SLC30A2: variants seen among roughly 807,000 people sequenced by gnomAD.
SLC30A2 encodes proton-coupled zinc antiporter SLC30A2.
A neutral mutation model predicts 39.6 loss-of-function variants in SLC30A2; 19 were observed. That is an observed-to-expected ratio of 0.48 (90% CI 0.34 to 0.70). The LOEUF is 0.70. Among genes scored for constraint, SLC30A2 ranks in the 30% least tolerant of loss-of-function variants. The probability of loss-of-function intolerance (pLI) is 0.01; values close to 1 mark genes in which losing one functional copy is unlikely to be tolerated. For synonymous variants in SLC30A2, 195 were observed against 194.8 expected, an observed-to-expected ratio of 1.00 and a Z score of -0.01; for missense variants, 387 against 479.4, an observed-to-expected ratio of 0.81 and a Z score of 1.80.
intron 3 of SLC30A2, 100 bp downstream of exon 3, chr1:26,044,198 G>T: frequency 3.2e-6 from 4 of 1,265,674 alleles, no homozygotes; most frequent in South Asian, 1.3e-5. Context: ...GCCTCACTCA[G>T]GGGAGGAAGG....
intron 6 of SLC30A2, among the ~76,000 whole-genome samples, chr1:26,040,969 C>T (rs1415434100): frequency 2.0e-5 from 3 of 150,418 alleles, no homozygotes; most frequent in African/African-American, 4.9e-5. Flanking sequence ...TGGTGGCATG[C>T]GCCTGTGGTC....
intron 2 of SLC30A2, 97 bp downstream of exon 2, chr1:26,044,898 AGT>A: frequency 1.1e-6 from 1 of 935,482 alleles, no homozygotes; most frequent in East Asian, 2.4e-5. Context: ...GGCTTACTGT[AGT>A]GTGTGTTCAG....
At chr1:26,043,679 T>C (rs1000312421) in intron 3 of SLC30A2, 128 bp from the exon 4 acceptor site, 2 of 882,982 alleles carry the variant, frequency 2.3e-6, no homozygotes, top group African/African-American at 3.4e-5. Context: ...CACTGGGCTC[T>C]GCTGAAGGTA....
At chr1:26,043,695 G>A (rs1035019366) in intron 3 of SLC30A2, 144 bp from the exon 4 acceptor site, 22 of 730,248 alleles carry the variant, frequency 3.0e-5, no homozygotes, top group Admixed American at 1.2e-4. Context: ...AGGTATGGCC[G>A]GTATGGCTGC....
At chr1:26,045,273 G>T in intron 1 of SLC30A2, 56 bp from the exon 2 acceptor site, 2 of 1,405,410 alleles carry the variant, frequency 1.4e-6, no homozygotes, top group Non-Finnish European at 2.0e-6. Context: ...AAGGAGGGCC[G>T]ACTCTAGTCC....
chr1:26,044,406 C>G lies in SLC30A2; in HGVS notation c.310G>C (p.Ala104Pro), dbSNP rs771524095. 19 of 1,613,808 alleles carry G rather than the reference C, an allele frequency of 1.2e-5. No individual in the cohort carries two copies. The highest frequency in any genetic ancestry group is 1.6e-5 in the Non-Finnish European group (19 of 1,179,956). Residue 104 changes from alanine to proline, a missense_variant, in exon 3 of 8, where the codon GCA (alanine) becomes CCA (proline). Physicochemically the swap from Ala to Pro is conservative, Grantham distance 27 (BLOSUM62 -1). Transcript: ENST00000374276. ...GCAAAGTCAGTGAGCAGGTGTGCTG[C>G]GTCAGTCATGACAGCCAAGCTGTGT... ...LAHSLAVMTDAAHLLTDFASM... is the reference protein window; with the variant it reads ...LAHSLAVMTDPAHLLTDFASM...
At position 26,038,309 on chromosome 1, in the gene SLC30A2, G is replaced by C. The variant is rs777862651; in HGVS notation, c.*851C>G. ...TTCCCTCCTAGCTGGCCTCTGGACC[G>C]AGTGCAGCCCCACTTGTCTCCCTTT... On this transcript the variant is annotated 3_prime_UTR_variant, in exon 8 of 8. Coordinates refer to ENST00000374276, the MANE Select transcript of SLC30A2 (RefSeq NM_001004434.3). The C allele has an allele frequency of 6.6e-6, 1 of 152,308 alleles. No homozygotes were observed. Among genetic ancestry groups the C allele is most frequent in the Admixed American group, 6.5e-5 (1 of 15,288 alleles). The allele number at this position is 152,308 out of a possible 1,614,324, so 9.4% of individuals were successfully genotyped here.
intron 1 of SLC30A2, among the ~76,000 whole-genome samples, chr1:26,045,624 G>A (rs1016491677): frequency 2.6e-5 from 4 of 152,182 alleles, no homozygotes; most frequent in Non-Finnish European, 4.4e-5. Flanking sequence ...CAATCCCCCG[G>A]CCCCAGGCCC....
At chr1:26,045,728 C>T (rs947878792) in intron 1 of SLC30A2, 119 bp downstream of exon 1, 3 of 1,510,428 alleles carry the variant, frequency 2.0e-6, no homozygotes, top group Non-Finnish European at 2.7e-6. Flanking sequence ...CCTCACCCCA[C>T]CCCTCCTGCA....
Position 26,045,171 on chromosome 1 carries a change from G to T in SLC30A2, c.97C>A (p.Leu33Met), listed in dbSNP as rs546106665. Reference protein sequence around the residue: ...LWQEGAGWIPLPRPGLDLQAI... With the variant: ...LWQEGAGWIPMPRPGLDLQAI... ...TGCAAGTCCAGGCCAGGTCGGGGCAGAGGAATCCAGCCAGCCCCTTCCTGC... is the reference window on the plus strand; with the variant it reads ...TGCAAGTCCAGGCCAGGTCGGGGCATAGGAATCCAGCCAGCCCCTTCCTGC... The change falls in exon 2 of 8, where the codon CTG becomes ATG. Residue 33 changes from leucine to methionine, a missense_variant. Transcript: ENST00000374276. The T allele has an allele frequency of 2.5e-6, 4 of 1,612,960 alleles. No homozygotes were observed. In the African/African-American group the frequency reaches 5.3e-5, roughly 21 times the overall value.
intron 1 of SLC30A2, chr1:26,045,544 G>T: frequency 1.7e-6 from 1 of 599,984 alleles, no homozygotes. Context: ...TTGGGACACA[G>T]GGCCTCCCCG....
rs899454024 is a variant in SLC30A2, at chr1:26,046,019, C to T, written c.-123G>A. The T allele has an allele frequency of 4.3e-6, 6 of 1,407,772 alleles. No homozygotes were observed. The highest frequency in any genetic ancestry group is 1.5e-5 in the African/African-American group (1 of 66,224). The allele number at this position is 1,407,772 out of a possible 1,614,324, so 87.2% of individuals were successfully genotyped here. ...CCGAGGGCCCCGCGAGGTGCGCTCACTCCGGCCCGGCTCCTGCGGCCCCTG... is the reference window on the plus strand; with the variant it reads ...CCGAGGGCCCCGCGAGGTGCGCTCATTCCGGCCCGGCTCCTGCGGCCCCTG... On this transcript the variant is annotated 5_prime_UTR_variant, in exon 1 of 8. The change creates a new upstream start codon in the 5' untranslated region. Transcript: ENST00000374276. This position sits in a 1 kb window ranked among gnomAD's most constrained non-coding sequence, Gnocchi z 4.4.
chr1:26,043,324 G>C (rs151315709), intron 4 of SLC30A2, 74 bp downstream of exon 4: 1 of 1,478,758 alleles, frequency 6.8e-7, no homozygotes, highest in African/African-American at 1.4e-5. Context: ...GTCTCTTTCC[G>C]CAAAGCAGAC....
chr1:26,044,224 A>G (rs2050433277), intron 3 of SLC30A2, 74 bp downstream of exon 3: 1 of 1,510,078 alleles, frequency 6.6e-7, no homozygotes, highest in Admixed American at 1.7e-5. Context: ...TCCACCCATT[A>G]CAGCCACCTA....
chr1:26,039,094 TG>T lies in SLC30A2; in HGVS notation c.*65del. 2 of 1,580,312 alleles carry T rather than the reference TG, an allele frequency of 1.3e-6. No individual in the cohort carries two copies. The highest frequency in any genetic ancestry group is 2.3e-5 in the South Asian group (2 of 88,148). ...GGGTAGGCAAAGTCCTGGCTGGGCC[TG>T]GGGGACACTCAGTCCAGCCACCTGC... On this transcript the variant is annotated 3_prime_UTR_variant, in exon 8 of 8. Coordinates refer to ENST00000374276, the MANE Select transcript of SLC30A2 (RefSeq NM_001004434.3). The surrounding 1 kb of genome is among the most constrained non-coding windows in gnomAD (Gnocchi z 4.3).
At chr1:26,044,466 T>A (rs777639796) in intron 2 of SLC30A2, 22 bp from the exon 3 acceptor site, 1 of 1,610,078 alleles carries the variant, frequency 6.2e-7, no homozygotes, top group Non-Finnish European at 8.5e-7. Context: ...AGGGTCCTTA[T>A]CAGCTCCCCC....
Position 26,045,242 on chromosome 1 carries a change from C to T in SLC30A2, c.51-25G>A, listed in dbSNP as rs560811845. ...CCTGGCCAGAGGGGAAGAGAGGGAA[C>T]GCTCAGCTCTGAGATGAGGTAAGGA... On this transcript the variant is annotated intron_variant, in intron 1 of 7. Transcript: ENST00000374276. 2.4e-4 allele frequency: 379 copies of T among 1,586,180 alleles called. 5 individuals are homozygous for T. In the South Asian group the frequency reaches 4.0e-3, roughly 17 times the overall value.
Position 26,045,010 on chromosome 1 carries a change from G to C in SLC30A2, c.258C>G (p.Ile86Met), listed in dbSNP as rs766519714. The C allele has an allele frequency of 4.3e-6, 7 of 1,614,030 alleles. No homozygotes were observed. Among genetic ancestry groups the C allele is most frequent in the Non-Finnish European group, 5.9e-6 (7 of 1,180,016 alleles). The change falls in exon 2 of 8, where the codon ATC becomes ATG. Residue 86 changes from isoleucine to methionine, a missense_variant. By Grantham distance (10) the Ile-to-Met change is conservative (BLOSUM62 1). Coordinates refer to ENST00000374276, the MANE Select transcript of SLC30A2 (RefSeq NM_001004434.3). ...AAAAGTGCTTACCAACGACTTCTCC[G>C]ATCATGAACAACAGGCAGATGGCAG... is the stretch of plus-strand genomic sequence containing the variant. The part of the protein sequence containing the change: ...VASAICLLFM[I>M]GEVVGGYLAH...
In SLC30A2 at chr1:26,044,288, C is replaced by T. The variant is rs368275127; in HGVS notation, c.418+10G>A. 1.7e-4 allele frequency: 269 copies of T among 1,613,646 alleles called. No homozygotes were observed. The highest frequency in any genetic ancestry group is 2.2e-4 in the Non-Finnish European group (256 of 1,179,742). On this transcript the variant is annotated intron_variant, in intron 3 of 7. Transcript: ENST00000374276. ...CTCAACCCCATCTCCAGCCAAACCG[C>T]GATCCTCACCAGCTCTCTGCCAGCC... is the stretch of plus-strand genomic sequence containing the variant.
Sources: gnomAD v4.1 joint callset for allele counts (sites outside exome capture counted in the v4.1 genomes callset) on GRCh38, gnomAD v4.1.1 for gene constraint, Gnocchi (gnomAD v3.1) non-coding constraint, MANE v1.5 for transcripts, NCBI Gene and HGNC (gene_info 2026-07-23, HGNC 2026-07-21) for gene names.